SLC25A38: variants seen among roughly 807,000 people sequenced by gnomAD.
SLC25A38 encodes solute carrier family 25 member 38.
Under a neutral mutation model 33.4 loss-of-function variants are expected in SLC25A38, and 27 were observed. The observed-to-expected ratio is 0.81, with a 90% CI of 0.60 to 1.11. SLC25A38 has a LOEUF of 1.11. SLC25A38 is among the 50% of genes most tolerant of loss of function. The pLI is 0.00. For missense variants in SLC25A38, 344 were observed against 388.8 expected (o/e 0.88, Z 0.97); for synonymous variants, 123 against 145.9 (o/e 0.84, Z 1.13).
chr3:39,394,711 GC>G, intron 6 of SLC25A38, 135 bp downstream of exon 6: 1 of 995,692 alleles, frequency 1.0e-6, no homozygotes. Context: ...TAAAATCTAG[GC>G]CAACTATATC....
In SLC25A38 at chr3:39,396,849, A is replaced by G. The variant is rs899071866; in HGVS notation, c.*329A>G. On this transcript the variant is annotated 3_prime_UTR_variant, in exon 7 of 7. Coordinates refer to ENST00000650617, the MANE Select transcript of SLC25A38 (RefSeq NM_017875.4). ...CGCTTCAGCCCCACCCCTACACCAC[A>G]GGGTCTCCTTGGGTATGTTCTTGGG... 10 of 382,216 alleles carry G rather than the reference A, an allele frequency of 2.6e-5. No individual in the cohort carries two copies. Among genetic ancestry groups the G allele is most frequent in the Non-Finnish European group, 4.5e-5 (9 of 198,990 alleles). The allele number at this position is 382,216 out of a possible 1,614,324, so 23.7% of individuals were successfully genotyped here. A position where few individuals can be genotyped will look rare whatever the true frequency, so the allele number is the denominator to read the frequency against.
At chr3:39,396,131 A>G (rs2041826707) in intron 6 of SLC25A38, among the ~76,000 whole-genome samples, 1 of 151,544 alleles carries the variant, frequency 6.6e-6, no homozygotes, top group African/African-American at 2.4e-5. Flanking sequence ...AATCGCTTGA[A>G]CCCAGGAGGC....
At position 39,389,444 on chromosome 3, in the gene SLC25A38, G is replaced by A. The variant is rs1389576352; in HGVS notation, c.70-51G>A. On this transcript the variant is annotated intron_variant, in intron 1 of 6. Coordinates refer to ENST00000650617, the MANE Select transcript of SLC25A38 (RefSeq NM_017875.4). This position sits in a 1 kb window ranked among gnomAD's most constrained non-coding sequence, Gnocchi z 4.5. ...ATTTGCTGGTCAGGTATAGAGAAAG[G>A]TGAGGCTCACACAGGCAGAGCTACT... 6.2e-7 allele frequency: 1 copy of A among 1,614,086 alleles called. No individual in the cohort carries two copies. Among genetic ancestry groups the A allele is most frequent in the Non-Finnish European group, 8.5e-7 (1 of 1,179,966 alleles).
intron 1 of SLC25A38, 115 bp downstream of exon 1, chr3:39,383,908 G>A (rs2041676916): frequency 4.3e-6 from 5 of 1,167,354 alleles, no homozygotes; most frequent in Non-Finnish European, 6.3e-6. Context: ...GTGCGCTCAG[G>A]ATTTAGGATG....
intron 1 of SLC25A38, among the ~76,000 whole-genome samples, chr3:39,388,135 G>A (rs1559391531): frequency 6.6e-6 from 1 of 152,164 alleles, no homozygotes; most frequent in Non-Finnish European, 1.5e-5. Flanking sequence ...ACAAAGTCTT[G>A]GGGAGAGACT....
Position 39,392,012 on chromosome 3 carries a change from G to C in SLC25A38, c.616G>C (p.Val206Leu). 1.2e-6 allele frequency: 2 copies of C among 1,614,132 alleles called. No homozygotes were observed. The highest frequency in any genetic ancestry group is 1.7e-6 in the Non-Finnish European group (2 of 1,180,026). ...GTTTTACAACCAGACCAAAAATATA[G>C]TGCCTCATGGTAGGGATAAAGGAAG... ...LMFYNQTKNI[V>L]PHDQVDATLI... Residue 206 changes from valine to leucine, a missense_variant, in exon 5 of 7, where the codon GTG becomes CTG. This residue lies in a region of SLC25A38 where 269 missense variants were observed against 271.8 expected (regional missense o/e 0.99). Transcript: ENST00000650617.
chr3:39,383,520 T>G lies in SLC25A38; in HGVS notation c.-205T>G. Reference sequence around the variant, plus strand: ...GCGGCGCGTAATTCCCGCAGCAAGATTGTTCCGCGCCCGCAGCCCCTGGAC... The same window carrying G: ...GCGGCGCGTAATTCCCGCAGCAAGAGTGTTCCGCGCCCGCAGCCCCTGGAC... On this transcript the variant is annotated 5_prime_UTR_variant, in exon 1 of 7. Transcript: ENST00000650617. 5.0e-6 allele frequency: 3 copies of G among 602,448 alleles called. No individual in the cohort carries two copies. The highest frequency in any genetic ancestry group is 9.0e-6 in the Non-Finnish European group (3 of 335,056). The allele number at this position is 602,448 out of a possible 1,614,324, so 37.3% of individuals were successfully genotyped here.
intron 6 of SLC25A38, among the ~76,000 whole-genome samples, chr3:39,395,491 T>C (rs1218116920): frequency 1.3e-5 from 2 of 152,214 alleles, no homozygotes; most frequent in African/African-American, 4.8e-5. Flanking sequence ...TGTATTGTTA[T>C]CACAAAGCAG....
chr3:39,386,350 G>T (rs748397827), intron 1 of SLC25A38, among the ~76,000 whole-genome samples: 5 of 152,320 alleles, frequency 3.3e-5, no homozygotes, highest in Admixed American at 6.5e-5. Context: ...GGAGGCAGAG[G>T]TGAGCAGATT....
Position 39,383,442 on chromosome 3 carries a change from A to G in SLC25A38, c.-283A>G, listed in dbSNP as rs1479275461. 8 of 493,008 alleles carry G rather than the reference A, an allele frequency of 1.6e-5. No homozygotes were observed. In the East Asian group the frequency reaches 3.1e-4, roughly 19 times the overall value. The allele number at this position is 493,008 out of a possible 1,614,324, so 30.5% of individuals were successfully genotyped here. On this transcript the variant is annotated 5_prime_UTR_variant, in exon 1 of 7. Transcript: ENST00000650617. The stretch of plus-strand genomic sequence containing the variant: ...CTCCTACGGTGCTGAAGCCTGCAGC[A>G]GGGCAGGATGGGCAGGAGAGCAGAG...
rs559766369 is a variant in SLC25A38, at chr3:39,397,067, C to T, written c.*547C>T. ...TTAACTTCTCAGAGGCTCTGGAGAA[C>T]GGGACAGTGGCTTTCTAGCCTCTGA... On this transcript the variant is annotated 3_prime_UTR_variant, in exon 7 of 7. Transcript: ENST00000650617. The T allele has an allele frequency of 2.9e-4, 53 of 181,632 alleles. No individual in the cohort carries two copies. Among genetic ancestry groups the T allele is most frequent in the Admixed American group, 1.1e-3 (21 of 18,660 alleles). The allele number at this position is 181,632 out of a possible 1,614,324, so 11.3% of individuals were successfully genotyped here. A position where few individuals can be genotyped will look rare whatever the true frequency, so the allele number is the denominator to read the frequency against.
chr3:39,383,631 G>C lies in SLC25A38; in HGVS notation c.-94G>C, dbSNP rs1305217970. On this transcript the variant is annotated 5_prime_UTR_variant, in exon 1 of 7. Coordinates refer to ENST00000650617, the MANE Select transcript of SLC25A38 (RefSeq NM_017875.4). ...GCTTAAAGCGCGTCGCCTGGCTAGC[G>C]CCACCCCCTAGCCTTCTTCAAGGCC... 8.2e-6 allele frequency: 12 copies of C among 1,462,352 alleles called. No individual in the cohort carries two copies. The highest frequency in any genetic ancestry group is 1.1e-5 in the Non-Finnish European group (12 of 1,049,430). 90.6% of individuals were successfully genotyped at this position (1,462,352 alleles called of 1,614,324 possible).
chr3:39,384,803 CT>C (rs67136154), intron 1 of SLC25A38: 124,184 of 342,192 alleles, frequency 0.36, 6,337 homozygotes, highest in African/African-American at 0.4. Context: ...TTTCTTTTTT[CT>C]TTTTTTTTTT....
intron 4 of SLC25A38, 94 bp downstream of exon 4, chr3:39,391,714 T>C: frequency 6.2e-7 from 1 of 1,603,226 alleles, no homozygotes; most frequent in Non-Finnish European, 8.5e-7. Context: ...ATTTGTAATC[T>C]AACATAGAGT....
chr3:39,389,633 A>C lies in SLC25A38; in HGVS notation c.191+17A>C. 6.2e-7 allele frequency: 1 copy of C among 1,614,094 alleles called. No individual in the cohort carries two copies. Among genetic ancestry groups the C allele is most frequent in the Non-Finnish European group, 8.5e-7 (1 of 1,180,022 alleles). ...AGATCATGGGTAGGCCCTGCATTTC[A>C]TTGGGGAACTGATTTCAGCAACTTC... On this transcript the variant is annotated intron_variant, in intron 2 of 6. Transcript: ENST00000650617. This position sits in a 1 kb window ranked among gnomAD's most constrained non-coding sequence, Gnocchi z 4.5.
intron 3 of SLC25A38, 27 bp downstream of exon 3, chr3:39,390,534 C>T: frequency 6.2e-7 from 1 of 1,607,658 alleles, no homozygotes; most frequent in South Asian, 1.1e-5. Flanking sequence ...GTCTAGGTTC[C>T]CTAGCATCCA....
Position 39,391,900 on chromosome 3 carries a change from C to G in SLC25A38, c.504C>G (p.Ile168Met), listed in dbSNP as rs561720491. ...GTATCTACGCTGCCCTGAGGAGCAT[C>G]TATCACAGTGAGGGGCACCGGGGCC... ...YESIYAALRS[I>M]YHSEGHRGLF... is the part of the protein sequence containing the mutation. Residue 168 changes from isoleucine to methionine, a missense_variant, in exon 5 of 7, where the codon ATC (isoleucine) becomes ATG (methionine). Coordinates refer to ENST00000650617, the MANE Select transcript of SLC25A38 (RefSeq NM_017875.4). 1 of 1,614,112 alleles carries G rather than the reference C, an allele frequency of 6.2e-7. No individual in the cohort carries two copies. Among genetic ancestry groups the G allele is most frequent in the African/African-American group, 1.3e-5 (1 of 75,026 alleles).
chr3:39,396,345 T>C (rs1042261794), intron 6 of SLC25A38, 53 bp from the exon 7 acceptor site: 22 of 1,613,550 alleles, frequency 1.4e-5, no homozygotes, highest in African/African-American at 5.3e-5. Context: ...AAGTGGATAA[T>C]TAATTGTATT....
rs940139077 is a variant in SLC25A38, at chr3:39,390,573, A to G, written c.276+66A>G. 3.5e-5 allele frequency: 52 copies of G among 1,491,342 alleles called. No individual in the cohort carries two copies. In the African/African-American group the frequency reaches 6.5e-4, roughly 19 times the overall value. The allele number at this position is 1,491,342 out of a possible 1,614,324, so 92.4% of individuals were successfully genotyped here. A position where few individuals can be genotyped will look rare whatever the true frequency, so the allele number is the denominator to read the frequency against. The stretch of plus-strand genomic sequence containing the variant: ...CTTAATAACCAGCTATTTCTCATCT[A>G]CCTTACCAGCTCTTAAGGATATGTG... On this transcript the variant is annotated intron_variant, in intron 3 of 6. Transcript: ENST00000650617.
Sources: allele counts gnomAD v4.1 joint callset (sites outside exome capture counted in the v4.1 genomes callset), GRCh38; gene constraint gnomAD v4.1.1; regional missense constraint gnomAD v4.1.1; non-coding constraint Gnocchi (gnomAD v3.1); transcripts MANE v1.5; gene names NCBI Gene and HGNC (gene_info 2026-07-23, HGNC 2026-07-21).